Variants in CTNNA2 observed in about 807,000 individuals in gnomAD.
The protein encoded by CTNNA2 is catenin alpha 2.
A neutral mutation model predicts 101.0 loss-of-function variants in CTNNA2; 42 were observed. The observed-to-expected ratio is 0.42, with a 90% CI of 0.32 to 0.54. The LOEUF is 0.54. Among genes scored for constraint, CTNNA2 ranks in the 20% least tolerant of loss-of-function variants. The pLI is 0.14. For synonymous variants in CTNNA2, 450 were observed against 456.4 expected, an observed-to-expected ratio of 0.99 and a Z score of 0.18; for missense variants, 871 against 1,223.1, an observed-to-expected ratio of 0.71 and a Z score of 4.29.
chr2:80,630,245 A>T lies in CTNNA2; in HGVS notation c.2574+11017A>T, dbSNP rs368812710. ...CAAGGTAAAATGGCTTTCACTTCTT[A>T]CTTTTTACAAACAAGAGTATTGAAG... On this transcript the variant is annotated intron_variant, in intron 18 of 18. Transcript: ENST00000402739. 1.2e-4 allele frequency among the ~76,000 whole-genome samples: 18 copies of T among 152,306 alleles called. 1 individual carries two copies. The East Asian group carries it at 2.7e-3, about 23-fold the overall frequency.
chr2:80,559,477 T>C lies in CTNNA2; in HGVS notation c.1741+3584T>C, dbSNP rs112345187. On this transcript the variant is annotated intron_variant, in intron 12 of 18. Coordinates refer to ENST00000402739, the MANE Select transcript of CTNNA2 (RefSeq NM_001282597.3). ...CAAAGAGTGATAACACATCTGTGGT[T>C]TATTTTCCATGAATTATTTTCTTTC... Among the ~76,000 whole-genome samples, 78 of 152,306 alleles carry C rather than the reference T, an allele frequency of 5.1e-4. 2 individuals are homozygous for C. Among genetic ancestry groups the C allele is most frequent in the African/African-American group, 1.8e-3 (76 of 41,574 alleles).
chr2:80,187,235 G>A (rs140867764), intron 7 of CTNNA2, among the ~76,000 whole-genome samples: 4 of 152,268 alleles, frequency 2.6e-5, no homozygotes, highest in African/African-American at 9.6e-5. Flanking sequence ...CCTGGAGCTC[G>A]TGGTGACTTC....
chr2:79,206,732 A>G (rs1012359650), intron 2 of CTNNA2, among the ~76,000 whole-genome samples: 1 of 152,198 alleles, frequency 6.6e-6, no homozygotes, highest in Admixed American at 6.5e-5. Flanking sequence ...TCCTTTCCCC[A>G]TAACTGTGAG....
chr2:79,362,473 A>G (rs1161700814), intron 3 of CTNNA2, among the ~76,000 whole-genome samples: 1 of 152,126 alleles, frequency 6.6e-6, no homozygotes, highest in African/African-American at 2.4e-5. Flanking sequence ...AAAGTGGACC[A>G]AGGGGCTACA....
At chr2:79,798,352 TG>T (rs1162585793) in intron 3 of CTNNA2, among the ~76,000 whole-genome samples, 1 of 152,212 alleles carries the variant, frequency 6.6e-6, no homozygotes, top group Non-Finnish European at 1.5e-5. Context: ...AGTCTCCTGG[TG>T]GGTTTCAGGA....
intron 6 of CTNNA2, among the ~76,000 whole-genome samples, chr2:79,898,524 T>A (rs974160859): frequency 3.3e-5 from 5 of 152,128 alleles, no homozygotes; most frequent in Non-Finnish European, 5.9e-5. Context: ...TCAGAAAGAC[T>A]TCTCAAGTCT....
At chr2:79,582,226 T>C (rs1026097814) in intron 1 of CTNNA2, among the ~76,000 whole-genome samples, 5 of 152,254 alleles carry the variant, frequency 3.3e-5, no homozygotes, top group African/African-American at 9.6e-5. Context: ...TATGTTAACA[T>C]GTAAAACCTT....
intron 7 of CTNNA2, among the ~76,000 whole-genome samples, chr2:80,348,278 T>C (rs1672960021): frequency 6.6e-6 from 1 of 152,206 alleles, no homozygotes; most frequent in Non-Finnish European, 1.5e-5. Context: ...ATTTGAAAAT[T>C]GATGGATAGC....
At chr2:79,303,683 G>A (rs954635569) in intron 2 of CTNNA2, among the ~76,000 whole-genome samples, 3 of 152,006 alleles carry the variant, frequency 2.0e-5, no homozygotes, top group African/African-American at 7.2e-5. Flanking sequence ...GTTCAGCCGT[G>A]TTGATGAGGC....
At chr2:79,416,257 C>CTTTTTTTTTTTT (rs66830925) in intron 4 of CTNNA2, among the ~76,000 whole-genome samples, 1 of 94,654 alleles carries the variant, frequency 1.1e-5, no homozygotes, top group African/African-American at 4.1e-5. Context: ...CTTTCCTTTT[C>CTTTTTTTTTTTT]TTTTTTTTTT....
chr2:79,768,651 G>A (rs893240391), intron 3 of CTNNA2, among the ~76,000 whole-genome samples: 1 of 151,852 alleles, frequency 6.6e-6, no homozygotes, highest in Non-Finnish European at 1.5e-5. Context: ...AATAATAAAA[G>A]GAGGGTTTTT....
chr2:79,574,485 T>A (rs897757855), intron 1 of CTNNA2, among the ~76,000 whole-genome samples: 4 of 152,216 alleles, frequency 2.6e-5, no homozygotes, highest in Non-Finnish European at 5.9e-5. Context: ...TTTCTGTTCC[T>A]GTGTTTGCTC....
intron 7 of CTNNA2, among the ~76,000 whole-genome samples, chr2:79,982,230 A>ATATATATATATATATG (rs1691354801): frequency 3.1e-5 from 3 of 96,446 alleles, no homozygotes; most frequent in East Asian, 7.5e-4. Context: ...ATATATATAT[A>ATATATATATATATATG]TATATATATA....
In CTNNA2 at chr2:79,345,108, TAAA is replaced by T. The variant is rs5832381; in HGVS notation, c.-317-28715_-317-28713del. On this transcript the variant is annotated intron_variant, in intron 3 of 21. Transcript: ENST00000466387. ...TTTTATTATGGAATGTGTTTTTTTT[TAAA>T]AAAAAAAGCAAAATGTAACAAATCA... 2.8e-3 allele frequency among the ~76,000 whole-genome samples: 407 copies of T among 147,126 alleles called. 5 individuals carry two copies. In the East Asian group the frequency reaches 0.036, roughly 13 times the overall value.
At chr2:80,090,878 T>C (rs1407820250) in intron 7 of CTNNA2, among the ~76,000 whole-genome samples, 3 of 152,112 alleles carry the variant, frequency 2.0e-5, no homozygotes, top group African/African-American at 7.2e-5. Context: ...ATGCTCTTTC[T>C]CATTTTTTTT....
chr2:80,273,407 C>T (rs1471140046), intron 7 of CTNNA2, among the ~76,000 whole-genome samples: 1 of 152,146 alleles, frequency 6.6e-6, no homozygotes, highest in Non-Finnish European at 1.5e-5. Context: ...CCTGAAATAT[C>T]GTAGTAGCCT....
At chr2:79,698,577 C>T (rs1285094828) in intron 2 of CTNNA2, among the ~76,000 whole-genome samples, 2 of 152,006 alleles carry the variant, frequency 1.3e-5, no homozygotes, top group Non-Finnish European at 2.9e-5. Flanking sequence ...ACTAAGTTTG[C>T]CCCTCTTCAG....
intron 7 of CTNNA2, among the ~76,000 whole-genome samples, chr2:80,206,366 G>C (rs1236095329): frequency 6.6e-6 from 1 of 152,210 alleles, no homozygotes; most frequent in Non-Finnish European, 1.5e-5. Context: ...AGTGGGATTA[G>C]AACAATTTGA....
chr2:79,532,850 C>T (rs1672826914), intron 1 of CTNNA2, among the ~76,000 whole-genome samples: 1 of 152,032 alleles, frequency 6.6e-6, no homozygotes, highest in Non-Finnish European at 1.5e-5. Context: ...GTTTCTCTGG[C>T]TACCTAATTA....
Sources: allele counts gnomAD v4.1 joint callset (sites outside exome capture counted in the v4.1 genomes callset), GRCh38; gene constraint gnomAD v4.1.1; transcripts MANE v1.5; gene names NCBI Gene and HGNC (gene_info 2026-07-23, HGNC 2026-07-21).